The following TCERG1L variants were observed in gnomAD, a reference collection of about 807,000 sequenced individuals.
TCERG1L encodes the protein transcription elongation regulator 1 like.
In TCERG1L, 37 loss-of-function variants were observed where a neutral mutation model predicts 56.3. The observed-to-expected ratio is 0.66, with a 90% CI of 0.51 to 0.87. The LOEUF (loss-of-function observed/expected upper bound fraction) is 0.87, where lower values mean the gene tolerates loss of function less well. Ranked by LOEUF, TCERG1L falls within the 40% of genes least tolerant of loss-of-function variation. The probability of loss-of-function intolerance (pLI) is 0.00; values close to 1 mark genes in which losing one functional copy is unlikely to be tolerated. For synonymous variants in TCERG1L, 324 were observed against 326.3 expected (o/e 0.99, Z 0.08); for missense variants, 799 against 774.2 (o/e 1.03, Z -0.38).
chr10:131,237,103 G>T (rs1209652895), intron 4 of TCERG1L, among the ~76,000 whole-genome samples: 1 of 151,730 alleles, frequency 6.6e-6, no homozygotes, highest in African/African-American at 2.4e-5. Flanking sequence ...TCCCCTCCTT[G>T]CTGGCCTGTG....
At chr10:131,299,306 AT>A (rs1771046705) in intron 3 of TCERG1L, among the ~76,000 whole-genome samples, 1 of 152,116 alleles carries the variant, frequency 6.6e-6, no homozygotes, top group Non-Finnish European at 1.5e-5. Context: ...AGATCTTTAT[AT>A]TTAAATCTAC....
chr10:131,147,711 T>C (rs1406705449), intron 6 of TCERG1L, among the ~76,000 whole-genome samples: 1 of 152,202 alleles, frequency 6.6e-6, no homozygotes, highest in Admixed American at 6.5e-5. Context: ...CAGGAGTGAA[T>C]GGGTGGGAAC....
At chr10:131,156,732 T>TA (rs1376889944) in intron 6 of TCERG1L, among the ~76,000 whole-genome samples, 2 of 152,076 alleles carry the variant, frequency 1.3e-5, no homozygotes, top group African/African-American at 4.8e-5. Context: ...CTGATCCAAT[T>TA]ACTGGTGCAT....
At chr10:131,186,016 T>C (rs1259473321) in intron 4 of TCERG1L, among the ~76,000 whole-genome samples, 1 of 152,240 alleles carries the variant, frequency 6.6e-6, no homozygotes, top group Non-Finnish European at 1.5e-5. Flanking sequence ...CGACGGAACA[T>C]TATCTTGCGA....
At chr10:131,291,302 A>C (rs1055357344) in intron 3 of TCERG1L, among the ~76,000 whole-genome samples, 2 of 150,316 alleles carry the variant, frequency 1.3e-5, no homozygotes, top group African/African-American at 4.9e-5. Flanking sequence ...TTTTAATCCC[A>C]TATATTTCAT....
chr10:131,239,036 C>T (rs1336374060), intron 4 of TCERG1L, among the ~76,000 whole-genome samples: 3 of 152,174 alleles, frequency 2.0e-5, no homozygotes, highest in East Asian at 3.9e-4. Flanking sequence ...AGCACGTGTG[C>T]ATTTTCATCA....
Position 131,166,363 on chromosome 10 carries a change from A to C in TCERG1L, c.945+434T>G, listed in dbSNP as rs549281268. On this transcript the variant is annotated intron_variant, in intron 5 of 11. Transcript: ENST00000368642. ...GAGGAAGGACTGTACTATTGAAAAC[A>C]CGAAATGCTTCAAATGCACTGTCTT... 6.6e-5 allele frequency among the ~76,000 whole-genome samples: 10 copies of C among 152,376 alleles called. No individual in the cohort carries two copies. In the South Asian group the frequency reaches 1.9e-3, roughly 28 times the overall value.
intron 3 of TCERG1L, among the ~76,000 whole-genome samples, chr10:131,296,015 C>T (rs936470931): frequency 1.3e-5 from 2 of 152,054 alleles, no homozygotes; most frequent in African/African-American, 4.8e-5. Context: ...CTTTATCAGA[C>T]ATATGTTTTG....
chr10:131,295,786 T>G (rs1019140581), intron 3 of TCERG1L, among the ~76,000 whole-genome samples: 3 of 152,206 alleles, frequency 2.0e-5, no homozygotes, highest in African/African-American at 7.2e-5. Flanking sequence ...ATTACATTGT[T>G]GTCATCTGTA....
chr10:131,141,174 C>T (rs951975141), intron 7 of TCERG1L, among the ~76,000 whole-genome samples: 12 of 152,174 alleles, frequency 7.9e-5, no homozygotes, highest in African/African-American at 2.9e-4. Flanking sequence ...TGGGGAACCT[C>T]TCCGTGGCCA....
intron 8 of TCERG1L, among the ~76,000 whole-genome samples, chr10:131,132,619 C>T (rs920862180): frequency 1.3e-4 from 20 of 152,200 alleles, no homozygotes; most frequent in African/African-American, 3.9e-4. Context: ...CAATTTAGCA[C>T]ACATATCCAA....
intron 7 of TCERG1L, among the ~76,000 whole-genome samples, chr10:131,137,310 C>T (rs1343938740): frequency 1.3e-5 from 2 of 152,210 alleles, no homozygotes; most frequent in African/African-American, 4.8e-5. Flanking sequence ...ACTGTGCCCT[C>T]CCGGTTTTCC....
At chr10:131,127,288 G>C (rs372084645) in intron 8 of TCERG1L, among the ~76,000 whole-genome samples, 1 of 152,172 alleles carries the variant, frequency 6.6e-6, no homozygotes, top group East Asian at 1.9e-4. Flanking sequence ...AGTGTGCGTG[G>C]GCAACTCCAG....
At chr10:131,140,947 T>C (rs1845731595) in intron 7 of TCERG1L, among the ~76,000 whole-genome samples, 1 of 151,992 alleles carries the variant, frequency 6.6e-6, no homozygotes, top group Non-Finnish European at 1.5e-5. Flanking sequence ...AGCCAGGTGC[T>C]CACAGATGCT....
chr10:131,277,028 G>A (rs1198823424), intron 3 of TCERG1L, among the ~76,000 whole-genome samples: 3 of 152,192 alleles, frequency 2.0e-5, no homozygotes, highest in South Asian at 2.1e-4. Context: ...ATAGCAAGAC[G>A]CGATCATGCC....
intron 4 of TCERG1L, among the ~76,000 whole-genome samples, chr10:131,201,994 T>C (rs1845442380): frequency 6.6e-6 from 1 of 152,214 alleles, no homozygotes; most frequent in South Asian, 2.1e-4. Flanking sequence ...CTCCAGATCC[T>C]GTAATGCGTT....
At chr10:131,175,276 C>G (rs1337253107) in intron 4 of TCERG1L, among the ~76,000 whole-genome samples, 3 of 152,250 alleles carry the variant, frequency 2.0e-5, no homozygotes, top group Non-Finnish European at 4.4e-5. Context: ...ACGGCACCAG[C>G]AACCTGGTTG....
intron 3 of TCERG1L, among the ~76,000 whole-genome samples, chr10:131,277,071 G>C (rs1400794915): frequency 1.3e-5 from 2 of 152,174 alleles, no homozygotes; most frequent in Non-Finnish European, 2.9e-5. Flanking sequence ...TAAGCGAGAC[G>C]AGAGTTTGAG....
intron 10 of TCERG1L, among the ~76,000 whole-genome samples, chr10:131,100,610 G>A (rs780094842): frequency 1.1e-4 from 17 of 152,128 alleles, no homozygotes; most frequent in Non-Finnish European, 2.2e-4. Flanking sequence ...ACTATTTGTT[G>A]CCATAGAAAC....
Sources: gnomAD v4.1 joint callset for allele counts (sites outside exome capture counted in the v4.1 genomes callset) on GRCh38, gnomAD v4.1.1 for gene constraint, MANE v1.5 for transcripts, NCBI Gene and HGNC (gene_info 2026-07-23, HGNC 2026-07-21) for gene names.